Variants in CFAP54 observed in about 807,000 individuals in gnomAD.
CFAP54 encodes the protein cilia and flagella associated protein 54, also known as cilia- and flagella-associated protein 54.
In CFAP54, 290 loss-of-function variants were observed where a neutral mutation model predicts 370.4. That is an observed-to-expected ratio of 0.78 (90% confidence interval 0.71 to 0.86). CFAP54 has a LOEUF of 0.86. Among genes scored for constraint, CFAP54 ranks in the 40% least tolerant of loss-of-function variants. The pLI is 0.00. For missense variants in CFAP54, 3,399 were observed against 3,528.7 expected (o/e 0.96, Z 0.93); for synonymous variants, 1,206 against 1,236.5 (o/e 0.98, Z 0.52).
rs1300652107 is a variant in CFAP54 at position 96,658,175 on chromosome 12, T to G, written c.5325-36T>G. 3 of 1,586,302 alleles carry G rather than the reference T, an allele frequency of 1.9e-6. No homozygotes were observed. In the East Asian group the frequency reaches 6.7e-5, roughly 35 times the overall value. ...AAAAAAAAAAAAGTCTTTTAACTAA[T>G]GTTTTCTTTTTAATGTATTCTTTAC... On this transcript the variant is annotated intron_variant, in intron 37 of 67. Coordinates refer to ENST00000524981, the MANE Select transcript of CFAP54 (RefSeq NM_001306084.2).
chr12:96,677,787 C>G (rs953163557), intron 39 of CFAP54, among the ~76,000 whole-genome samples: 3 of 152,012 alleles, frequency 2.0e-5, no homozygotes, highest in African/African-American at 7.3e-5. Flanking sequence ...CGGCCATGTC[C>G]CTGGTTTGAC....
intron 19 of CFAP54, among the ~76,000 whole-genome samples, chr12:96,565,649 G>A (rs1300471715): frequency 6.6e-6 from 1 of 152,142 alleles, no homozygotes; most frequent in African/African-American, 2.4e-5. Context: ...AATACACAGA[G>A]CCAAGGCCTA....
chr12:96,707,153 G>A (rs1044555028), intron 47 of CFAP54, among the ~76,000 whole-genome samples: 1 of 152,126 alleles, frequency 6.6e-6, no homozygotes, highest in Admixed American at 6.6e-5. Flanking sequence ...AAGGGAGTGT[G>A]GTGGCCTGAA....
At position 96,503,901 on chromosome 12, in the gene CFAP54, CT is replaced by C; in HGVS notation, c.443del (p.Leu148TyrfsTer22). 1.3e-6 allele frequency: 2 copies of C among 1,489,372 alleles called. No individual in the cohort carries two copies. The highest frequency in any genetic ancestry group is 1.8e-6 in the Non-Finnish European group (2 of 1,128,012). The allele number at this position is 1,489,372 out of a possible 1,614,324, so 92.3% of individuals were successfully genotyped here. On this transcript the variant is annotated frameshift_variant, in exon 3 of 68. Coordinates refer to ENST00000524981, the MANE Select transcript of CFAP54 (RefSeq NM_001306084.2). LOFTEE classifies it high-confidence loss of function. ...TTTGTTTCAGGAATACAAACTGGCC[CT>C]TTTACAATGCTATGGAAGATATCTT... The part of the protein sequence containing the change: ...LCQMKEYKLA[L>X]LQCYGRYLQQ...
chr12:96,763,747 C>T lies in CFAP54; in HGVS notation c.8041-404C>T, dbSNP rs181483665. 4.9e-3 allele frequency among the ~76,000 whole-genome samples: 752 copies of T among 152,156 alleles called. 6 individuals carry two copies. The highest frequency in any genetic ancestry group is 7.2e-3 in the Non-Finnish European group (488 of 67,996). ...TGAGCTGAGATTGTGTCATTGCACT[C>T]CAGCCTGTGTGACAGAGCAAGACTA... On this transcript the variant is annotated intron_variant, in intron 58 of 67. Coordinates refer to ENST00000524981, the MANE Select transcript of CFAP54 (RefSeq NM_001306084.2).
chr12:96,548,670 G>A (rs906881645), intron 15 of CFAP54, among the ~76,000 whole-genome samples: 2 of 152,094 alleles, frequency 1.3e-5, no homozygotes, highest in African/African-American at 4.8e-5. Context: ...AGCTAGATTT[G>A]AGAAATCTTA....
chr12:96,670,568 G>A (rs1249981394), intron 39 of CFAP54, among the ~76,000 whole-genome samples: 1 of 152,214 alleles, frequency 6.6e-6, no homozygotes, highest in Non-Finnish European at 1.5e-5. Context: ...TCAAGATAAA[G>A]AGGTACAGAG....
chr12:96,838,025 T>G (rs1959191924), intron 66 of CFAP54, among the ~76,000 whole-genome samples: 1 of 152,234 alleles, frequency 6.6e-6, no homozygotes, highest in African/African-American at 2.4e-5. Context: ...GTTAAGTTAG[T>G]GGGTGCTCTT....
intron 19 of CFAP54, chr12:96,572,887 G>GC (rs1555244193): frequency 1.0e-6 from 1 of 985,066 alleles, no homozygotes; most frequent in Admixed American, 6.2e-5. Context: ...AACACAGAAA[G>GC]TTTTTTTTAC....
At chr12:96,829,493 G>A (rs980740560) in intron 66 of CFAP54, among the ~76,000 whole-genome samples, 3 of 151,878 alleles carry the variant, frequency 2.0e-5, no homozygotes, top group African/African-American at 7.3e-5. Context: ...ATTTTTATGT[G>A]AAAAGTCTAC....
chr12:96,783,923 A>G (rs1387458035), intron 60 of CFAP54, among the ~76,000 whole-genome samples: 1 of 152,164 alleles, frequency 6.6e-6, no homozygotes, highest in Non-Finnish European at 1.5e-5. Context: ...GAGTCAGAAA[A>G]TCAAAAGCCC....
chr12:96,523,691 AT>A (rs926382985), intron 8 of CFAP54, among the ~76,000 whole-genome samples: 6 of 76,420 alleles, frequency 7.9e-5, no homozygotes, highest in African/African-American at 1.0e-4. Context: ...ACAGGGAACA[AT>A]TTTTTTTTTC....
Position 96,753,789 on chromosome 12 carries a change from C to T in CFAP54, c.7731C>T (p.Asp2577=). 6.2e-7 allele frequency: 1 copy of T among 1,613,908 alleles called. No individual in the cohort carries two copies. The change falls in exon 56 of 68, where the codon GAC becomes GAT. Residue 2577 remains aspartate (D), a synonymous_variant. Coordinates refer to ENST00000524981, the MANE Select transcript of CFAP54 (RefSeq NM_001306084.2). ...KQVYYKNKRK[D]PSKWLPALHL... is the part of the protein sequence containing the mutation. ...TATATTACAAGAATAAAAGGAAGGA[C>T]CCCTCGAAGTGGTTACCTGCTCTTC...
chr12:96,730,556 C>A (rs11108658), intron 50 of CFAP54, among the ~76,000 whole-genome samples: 55,702 of 151,918 alleles, frequency 0.37, 11,193 homozygotes, highest in East Asian at 0.68. Context: ...ATAAATGAAA[C>A]AATATAGTCA....
chr12:96,718,231 C>T (rs573720605), intron 48 of CFAP54, among the ~76,000 whole-genome samples: 13 of 152,062 alleles, frequency 8.5e-5, no homozygotes, highest in Admixed American at 2.6e-4. Context: ...TGGTGGTGTG[C>T]GCCCGTAGTC....
chr12:96,705,675 T>A (rs1957539119), intron 47 of CFAP54, among the ~76,000 whole-genome samples: 1 of 152,222 alleles, frequency 6.6e-6, no homozygotes, highest in African/African-American at 2.4e-5. Context: ...ACTAACAGTA[T>A]AATGGAAACT....
At chr12:96,763,829 T>C (rs1182198956) in intron 58 of CFAP54, among the ~76,000 whole-genome samples, 1 of 152,160 alleles carries the variant, frequency 6.6e-6, no homozygotes, top group Non-Finnish European at 1.5e-5. Context: ...ATAATTCAAA[T>C]TCATTATAGA....
rs1177407092 is a variant in CFAP54 at position 96,784,711 on chromosome 12, T to G, written c.8282-6T>G. 2.0e-6 allele frequency: 3 copies of G among 1,499,878 alleles called. No homozygotes were observed. The highest frequency in any genetic ancestry group is 2.6e-6 in the Non-Finnish European group (3 of 1,133,018). 92.9% of individuals were successfully genotyped at this position (1,499,878 alleles called of 1,614,324 possible). A position where few individuals can be genotyped will look rare whatever the true frequency, so the allele number is the denominator to read the frequency against. ...TGTATTACAAAAAAAAGTTTTTCAC[T>G]TTCAGACAACTACCAAGTCCTCTTC... On this transcript the variant is annotated splice_region_variant and splice_polypyrimidine_tract_variant and intron_variant, in intron 60 of 67. Transcript: ENST00000524981.
chr12:96,677,188 T>TC (rs1957220867), intron 39 of CFAP54, among the ~76,000 whole-genome samples: 1 of 150,786 alleles, frequency 6.6e-6, no homozygotes, highest in Non-Finnish European at 1.5e-5. Flanking sequence ...ATTTTATTTT[T>TC]TTTGTAGAGA....
Sources: allele counts gnomAD v4.1 joint callset (sites outside exome capture counted in the v4.1 genomes callset), GRCh38; gene constraint gnomAD v4.1.1; transcripts MANE v1.5; gene names NCBI Gene and HGNC (gene_info 2026-07-23, HGNC 2026-07-21).